The following ADAM22 variants were observed in gnomAD, a reference collection of about 807,000 sequenced individuals.
The protein encoded by ADAM22 is disintegrin and metalloproteinase domain-containing protein 22.
A neutral mutation model predicts 144.6 loss-of-function variants in ADAM22; 65 were observed. The observed-to-expected ratio is 0.45, with a 90% CI of 0.37 to 0.55. The LOEUF (loss-of-function observed/expected upper bound fraction) is 0.55. ADAM22 is among the 20% of genes least tolerant of loss of function. ADAM22 has a pLI of 0.00. For synonymous variants in ADAM22, 391 were observed against 412.6 expected (o/e 0.95, Z 0.63); for missense variants, 974 against 1,184.9 (o/e 0.82, Z 2.61).
At chr7:88,007,001 C>T (rs1020531755) in intron 3 of ADAM22, among the ~76,000 whole-genome samples, 1 of 152,020 alleles carries the variant, frequency 6.6e-6, no homozygotes, top group African/African-American at 2.4e-5. Context: ...ATCTAGAAAA[C>T]CCCATTGTCT....
intron 24 of ADAM22, among the ~76,000 whole-genome samples, chr7:88,167,659 G>C (rs932224274): frequency 6.6e-6 from 1 of 152,132 alleles, no homozygotes; most frequent in African/African-American, 2.4e-5. Flanking sequence ...GAAGTCTGTG[G>C]ACATGTTTTC....
chr7:87,950,227 T>C (rs1445404730), intron 2 of ADAM22, among the ~76,000 whole-genome samples: 2 of 151,588 alleles, frequency 1.3e-5, no homozygotes, highest in Non-Finnish European at 2.9e-5. Flanking sequence ...CATGCTGGTG[T>C]GCTGCACCCA....
intron 2 of ADAM22, among the ~76,000 whole-genome samples, chr7:87,940,496 C>A (rs906936113): frequency 1.3e-5 from 2 of 152,036 alleles, no homozygotes; most frequent in Non-Finnish European, 2.9e-5. Context: ...CATTGTAGTT[C>A]TTTTAAATGT....
Position 88,143,121 on chromosome 7 carries a change from C to G in ADAM22, c.1316C>G (p.Ser439Cys), listed in dbSNP as rs1335389029. The change falls in exon 15 of 32, where the codon TCT becomes TGT. Residue 439 changes from serine to cysteine, a missense_variant. Ser to Cys is a moderately radical substitution (Grantham distance 112). Transcript: ENST00000413139. Reference sequence around the variant, plus strand: ...GGTGCCTGCCTTTTCAACAAACCTTCTAAGGTAATAAGTGTGGTTAATAAG... The same window carrying G: ...GGTGCCTGCCTTTTCAACAAACCTTGTAAGGTAATAAGTGTGGTTAATAAG... Reference protein sequence around the residue: ...GGGACLFNKPSKLLDPPECGN... With the variant: ...GGGACLFNKPCKLLDPPECGN... 6.3e-7 allele frequency: 1 copy of G among 1,595,570 alleles called. No homozygotes were observed. Among genetic ancestry groups the G allele is most frequent in the Non-Finnish European group, 8.6e-7 (1 of 1,163,932 alleles).
chr7:88,187,304 G>A (rs970266950), intron 30 of ADAM22, among the ~76,000 whole-genome samples: 1 of 152,170 alleles, frequency 6.6e-6, no homozygotes, highest in African/African-American at 2.4e-5. Flanking sequence ...AGGCTGTGCT[G>A]AGAAGTGTTA....
intron 21 of ADAM22, among the ~76,000 whole-genome samples, chr7:88,154,588 T>A (rs543952811): frequency 6.6e-6 from 1 of 152,274 alleles, no homozygotes; most frequent in South Asian, 2.1e-4. Context: ...GTTTTATAAG[T>A]TGTTTATGTG....
intron 28 of ADAM22, 32 bp from the exon 29 acceptor site, chr7:88,181,926 A>C: frequency 6.3e-7 from 1 of 1,594,554 alleles, no homozygotes; most frequent in Non-Finnish European, 8.6e-7. Flanking sequence ...ACTTATTTAC[A>C]TGGAAATCTA....
At chr7:87,974,682 C>T (rs1851467199) in intron 2 of ADAM22, among the ~76,000 whole-genome samples, 1 of 152,184 alleles carries the variant, frequency 6.6e-6, no homozygotes, top group South Asian at 2.1e-4. Context: ...TTCTATAACA[C>T]ATTAGCAGAA....
At chr7:87,941,681 G>T (rs1373717140) in intron 2 of ADAM22, among the ~76,000 whole-genome samples, 2 of 151,974 alleles carry the variant, frequency 1.3e-5, no homozygotes, top group African/African-American at 4.8e-5. Context: ...ATTCAGAATC[G>T]TAGGAGTTTC....
chr7:88,184,382 G>A (rs1174752044), intron 29 of ADAM22: 1 of 432,700 alleles, frequency 2.3e-6, no homozygotes, highest in African/African-American at 2.0e-5. Flanking sequence ...ACAGCCCCCA[G>A]ACAGGGAGTC....
chr7:87,963,695 GT>G (rs1198544454), intron 2 of ADAM22, among the ~76,000 whole-genome samples: 14 of 152,180 alleles, frequency 9.2e-5, no homozygotes, highest in Non-Finnish European at 2.1e-4. Context: ...TGTATGCTCA[GT>G]TTTGTTAAGG....
intron 2 of ADAM22, among the ~76,000 whole-genome samples, chr7:87,974,546 A>C (rs529414909): frequency 6.6e-6 from 1 of 152,272 alleles, no homozygotes; most frequent in South Asian, 2.1e-4. Flanking sequence ...TGCTGCTGAA[A>C]GTGTCTTGGT....
chr7:88,065,905 A>G (rs1280451818), intron 3 of ADAM22, among the ~76,000 whole-genome samples: 3 of 152,102 alleles, frequency 2.0e-5, no homozygotes, highest in East Asian at 1.9e-4. Context: ...ACAAAACTCT[A>G]TGCTCACAGC....
chr7:88,123,475 A>G (rs911155693), intron 7 of ADAM22, among the ~76,000 whole-genome samples: 14 of 152,206 alleles, frequency 9.2e-5, no homozygotes, highest in African/African-American at 3.1e-4. Context: ...AAGGAATTTC[A>G]TCTAAATTAA....
At chr7:88,138,256 C>T (rs539478436) in intron 14 of ADAM22, among the ~76,000 whole-genome samples, 5 of 152,102 alleles carry the variant, frequency 3.3e-5, no homozygotes, top group African/African-American at 1.2e-4. Context: ...TCAACAATTA[C>T]GAAATTTCAT....
chr7:88,135,878 C>A, intron 13 of ADAM22, 102 bp from the exon 14 acceptor site: 1 of 974,774 alleles, frequency 1.0e-6, no homozygotes, highest in Non-Finnish European at 1.4e-6. Context: ...TTTTAAAAGG[C>A]ATTTTAAGGA....
chr7:88,124,030 C>A (rs943900605), intron 7 of ADAM22, among the ~76,000 whole-genome samples: 1 of 151,668 alleles, frequency 6.6e-6, no homozygotes, highest in African/African-American at 2.4e-5. Flanking sequence ...GTTTTATGAT[C>A]TATCATAATG....
intron 3 of ADAM22, among the ~76,000 whole-genome samples, chr7:88,027,952 G>A (rs555752677): frequency 1.1e-4 from 16 of 152,072 alleles, no homozygotes; most frequent in African/African-American, 3.1e-4. Context: ...CACCACATCC[G>A]GCTAATTTTG....
intron 5 of ADAM22, among the ~76,000 whole-genome samples, chr7:88,111,403 T>C (rs1826010696): frequency 6.6e-6 from 1 of 152,122 alleles, no homozygotes; most frequent in Non-Finnish European, 1.5e-5. Flanking sequence ...TTAAATTCAG[T>C]TCAATAATAT....
Sources: allele counts gnomAD v4.1 joint callset (sites outside exome capture counted in the v4.1 genomes callset), GRCh38; gene constraint gnomAD v4.1.1; transcripts MANE v1.5; gene names NCBI Gene and HGNC (gene_info 2026-07-23, HGNC 2026-07-21).